The following ADGRV1 variants were observed in gnomAD, a reference collection of about 807,000 sequenced individuals.
ADGRV1 encodes adhesion G protein-coupled receptor V1, also known as G-protein coupled receptor 98.
In ADGRV1, 359 loss-of-function variants were observed where a neutral mutation model predicts 596.2. The ratio of observed to expected loss-of-function variants is 0.60; its 90% CI spans 0.55 to 0.66. The LOEUF is 0.66. ADGRV1 is among the 30% of genes least tolerant of loss of function. The pLI is 0.00. For synonymous variants in ADGRV1, 2,681 were observed against 2,679.2 expected, an observed-to-expected ratio of 1.00 and a Z score of -0.02; for missense variants, 7,274 against 7,575.6, an observed-to-expected ratio of 0.96 and a Z score of 1.48.
chr5:90,696,815 C>T, intron 33 of ADGRV1, 122 bp from the exon 34 acceptor site: 1 of 586,252 alleles, frequency 1.7e-6, no homozygotes, highest in East Asian at 2.8e-5. Flanking sequence ...TGATATGGAA[C>T]TGTTATAATT....
intron 54 of ADGRV1, among the ~76,000 whole-genome samples, chr5:90,754,760 A>C (rs1755647803): frequency 6.6e-6 from 1 of 152,172 alleles, no homozygotes. Context: ...GGGGATTAGA[A>C]CTGGGATATA....
At chr5:90,611,698 T>C (rs1762746826) in intron 1 of ADGRV1, among the ~76,000 whole-genome samples, 1 of 151,954 alleles carries the variant, frequency 6.6e-6, no homozygotes, top group Non-Finnish European at 1.5e-5. Context: ...TGATGGGGCA[T>C]GAAAAAATTT....
At chr5:90,635,028 A>G in intron 9 of ADGRV1, 86 bp from the exon 10 acceptor site, 1 of 777,634 alleles carries the variant, frequency 1.3e-6, no homozygotes, top group Middle Eastern at 3.7e-4. Flanking sequence ...ACCTACGCTT[A>G]CTTTGTCACC....
intron 85 of ADGRV1, among the ~76,000 whole-genome samples, chr5:91,019,897 C>T (rs973937968): frequency 6.6e-6 from 1 of 151,994 alleles, no homozygotes. Flanking sequence ...CTATTTCCTA[C>T]TCTCTGTCTG....
intron 86 of ADGRV1, among the ~76,000 whole-genome samples, chr5:91,082,196 A>G (rs1197068071): frequency 1.3e-5 from 2 of 152,230 alleles, no homozygotes; most frequent in African/African-American, 4.8e-5. Context: ...GCCATGCCAT[A>G]CCATGTTTGA....
At chr5:90,980,450 A>G (rs1054131831) in intron 84 of ADGRV1, among the ~76,000 whole-genome samples, 1 of 152,218 alleles carries the variant, frequency 6.6e-6, no homozygotes, top group African/African-American at 2.4e-5. Flanking sequence ...ACAGTCAAGT[A>G]GGATGAATTT....
intron 89 of ADGRV1, among the ~76,000 whole-genome samples, chr5:91,159,075 T>C (rs961953037): frequency 7.2e-5 from 11 of 152,202 alleles, no homozygotes; most frequent in African/African-American, 2.4e-4. Flanking sequence ...ATGCCTTTAC[T>C]GAGTGCAATA....
At position 90,697,062 on chromosome 5, in the gene ADGRV1, G is replaced by C; in HGVS notation, c.8071G>C (p.Val2691Leu). 2 of 1,613,464 alleles carry C rather than the reference G, an allele frequency of 1.2e-6. No homozygotes were observed. The highest frequency in any genetic ancestry group is 1.7e-6 in the Non-Finnish European group (2 of 1,179,508). The stretch of plus-strand genomic sequence containing the variant: ...TAGAATTTTGCCAAGCTCCGACACT[G>C]TTAGAGTGAACATTTTGGCCAATGA... ...GSRILPSSDTVRVNILANDNV... is the reference protein window; with the variant it reads ...GSRILPSSDTLRVNILANDNV... Residue 2691 changes from valine (V) to leucine (L), a missense_variant, in exon 34 of 90, where the codon GTT becomes CTT. Physicochemically the swap from Val to Leu is conservative, Grantham distance 32. Around this residue, in one of 5 missense-constraint regions of ADGRV1, gnomAD observed 3,643 missense variants for 3,809.2 expected, o/e 0.96. Transcript: ENST00000405460.
chr5:90,982,742 C>T lies in ADGRV1; in HGVS notation c.17974-2602C>T, dbSNP rs984441777. On this transcript the variant is annotated intron_variant, in intron 84 of 89. Coordinates refer to ENST00000405460, the MANE Select transcript of ADGRV1 (RefSeq NM_032119.4). ...AGGAATTCAGTGTAGATGATTGGCT[C>T]AGCCGGGCCAGGCTTCTCCCCTGAT... is the stretch of plus-strand genomic sequence containing the variant. Among the ~76,000 whole-genome samples the T allele has an allele frequency of 1.3e-4, 9 of 67,742 alleles. No individual in the cohort carries two copies. The East Asian group carries it at 2.7e-3, about 20-fold the overall frequency. The allele number at this position is 67,742 out of a possible 152,430, so 44.4% of individuals were successfully genotyped here.
chr5:90,778,647 T>G lies in ADGRV1; in HGVS notation c.12849+38T>G, dbSNP rs757873594. 4 of 1,426,350 alleles carry G rather than the reference T, an allele frequency of 2.8e-6. No homozygotes were observed. The African/African-American group carries it at 5.8e-5, about 21-fold the overall frequency. 88.4% of individuals were successfully genotyped at this position (1,426,350 alleles called of 1,614,324 possible). The stretch of plus-strand genomic sequence containing the variant: ...ATGCTTAAGATTTTAATATCATTTT[T>G]ATTTTTAGATATGAAAATGTTTTCT... On this transcript the variant is annotated intron_variant, in intron 63 of 89. Transcript: ENST00000405460.
chr5:90,861,298 TTATC>T (rs1451565362), intron 82 of ADGRV1, among the ~76,000 whole-genome samples: 1 of 151,238 alleles, frequency 6.6e-6, no homozygotes, highest in Non-Finnish European at 1.5e-5. Context: ...TTTTATTTAT[TTATC>T]TATTTTTTTT....
At chr5:90,838,429 G>A (rs543706979) in intron 77 of ADGRV1, among the ~76,000 whole-genome samples, 1 of 151,990 alleles carries the variant, frequency 6.6e-6, no homozygotes, top group Non-Finnish European at 1.5e-5. Flanking sequence ...TCAATCTCCA[G>A]GCTAGACTAT....
At chr5:90,674,027 A>C in intron 22 of ADGRV1, 27 bp from the exon 23 acceptor site, 1 of 1,539,942 alleles carries the variant, frequency 6.5e-7, no homozygotes, top group Non-Finnish European at 8.9e-7. Context: ...CTCATTGCTT[A>C]GTGCCTCTGG....
At chr5:90,865,462 G>A (rs1768003129) in intron 83 of ADGRV1, among the ~76,000 whole-genome samples, 1 of 152,002 alleles carries the variant, frequency 6.6e-6, no homozygotes, top group Admixed American at 6.6e-5. Context: ...GACAAAACCA[G>A]GATTTCTATG....
chr5:90,603,856 C>A (rs958957739), intron 1 of ADGRV1, among the ~76,000 whole-genome samples: 3 of 146,398 alleles, frequency 2.0e-5, no homozygotes, highest in Admixed American at 6.8e-5. Flanking sequence ...TGGAGGCATT[C>A]CACAAGGTGG....
chr5:91,163,000 A>T (rs1797081978), intron 89 of ADGRV1, among the ~76,000 whole-genome samples: 1 of 152,130 alleles, frequency 6.6e-6, no homozygotes, highest in South Asian at 2.1e-4. Flanking sequence ...ATGAGAGTTT[A>T]TGTGTTCCTC....
At chr5:90,867,975 G>T (rs570513097) in intron 83 of ADGRV1, among the ~76,000 whole-genome samples, 1 of 152,196 alleles carries the variant, frequency 6.6e-6, no homozygotes, top group South Asian at 2.1e-4. Flanking sequence ...AGAAGCAGAG[G>T]GTCATTTTTC....
chr5:91,044,016 T>G (rs1785585600), intron 85 of ADGRV1, among the ~76,000 whole-genome samples: 1 of 152,066 alleles, frequency 6.6e-6, no homozygotes, highest in Non-Finnish European at 1.5e-5. Context: ...TCTAGAACAG[T>G]GTCTGGAATG....
chr5:91,036,335 G>A (rs113267540), intron 85 of ADGRV1, among the ~76,000 whole-genome samples: 17 of 152,060 alleles, frequency 1.1e-4, no homozygotes, highest in East Asian at 3.9e-4. Flanking sequence ...CCTGGTGGGC[G>A]GATCACTAGG....
Sources: gnomAD v4.1 joint callset for allele counts (sites outside exome capture counted in the v4.1 genomes callset) on GRCh38, gnomAD v4.1.1 for gene constraint, gnomAD v4.1.1 regional missense constraint, MANE v1.5 for transcripts, NCBI Gene and HGNC (gene_info 2026-07-23, HGNC 2026-07-21) for gene names.